SYNJ2: variants seen among roughly 807,000 people sequenced by gnomAD.
SYNJ2 encodes the protein polyphosphatidylinositol phosphatase SYNJ2.
Under a neutral mutation model 141.3 loss-of-function variants are expected in SYNJ2, and 116 were observed. That is an observed-to-expected ratio of 0.82 (90% CI 0.71 to 0.96). SYNJ2 has a LOEUF of 0.96. SYNJ2 is among the 40% of genes least tolerant of loss of function. SYNJ2 has a pLI of 0.00. For synonymous variants in SYNJ2, 745 were observed against 777.7 expected, an observed-to-expected ratio of 0.96 and a Z score of 0.70; for missense variants, 1,873 against 1,934.8, an observed-to-expected ratio of 0.97 and a Z score of 0.60.
At position 158,027,103 on chromosome 6, in the gene SYNJ2, G is replaced by A. The variant is rs757037976; in HGVS notation, c.215-1653G>A. The A allele has an allele frequency of 1.4e-5, 14 of 985,220 alleles. No individual in the cohort carries two copies. Among genetic ancestry groups the A allele is most frequent in the African/African-American group, 1.7e-5 (1 of 57,172 alleles). 61.0% of individuals were successfully genotyped at this position (985,220 alleles called of 1,614,324 possible). Reference sequence around the variant, plus strand: ...AGCCCTGAGCGCTCATTAAAGGAACGCACTTTAATGACAGCCACACGCCAC... The same window carrying A: ...AGCCCTGAGCGCTCATTAAAGGAACACACTTTAATGACAGCCACACGCCAC... On this transcript the variant is annotated intron_variant, in intron 2 of 26. Coordinates refer to ENST00000355585, the MANE Select transcript of SYNJ2 (RefSeq NM_003898.4). This position sits in a 1 kb window ranked among gnomAD's most constrained non-coding sequence, Gnocchi z 4.6.
At chr6:158,050,915 C>T (rs187755964) in intron 5 of SYNJ2, among the ~76,000 whole-genome samples, 99 of 152,062 alleles carry the variant, frequency 6.5e-4, no homozygotes, top group South Asian at 2.3e-3. Context: ...ATCCCTTTCC[C>T]ACCTTTCCAT....
intron 6 of SYNJ2, 107 bp downstream of exon 6, chr6:158,055,135 C>A: frequency 1.7e-6 from 2 of 1,178,400 alleles, no homozygotes; most frequent in Non-Finnish European, 2.4e-6. Context: ...GACCCTGAAC[C>A]CTGAATCTAA....
chr6:158,053,312 A>G (rs1188535118), intron 5 of SYNJ2, among the ~76,000 whole-genome samples: 2 of 152,210 alleles, frequency 1.3e-5, no homozygotes, highest in South Asian at 2.1e-4. Flanking sequence ...TCAGCAATCT[A>G]TGGGAGACAC....
At chr6:158,026,777 C>T in intron 2 of SYNJ2, 1 of 971,078 alleles carries the variant, frequency 1.0e-6, no homozygotes, top group Non-Finnish European at 1.2e-6. Context: ...CATCCTCCTG[C>T]CTCTCCGAGG....
intron 1 of SYNJ2, among the ~76,000 whole-genome samples, chr6:158,003,227 T>C (rs565154442): frequency 6.6e-6 from 1 of 152,306 alleles, no homozygotes; most frequent in East Asian, 1.9e-4. Flanking sequence ...GCCTGGACTT[T>C]TTGGTGAGGG....
chr6:158,081,305 T>C lies in SYNJ2; in HGVS notation c.2764T>C (p.Tyr922His), dbSNP rs1583489044. 1 of 1,614,064 alleles carries C rather than the reference T, an allele frequency of 6.2e-7. No individual in the cohort carries two copies. The highest frequency in any genetic ancestry group is 2.2e-5 in the East Asian group (1 of 44,870). ...RTELMQTLGS[Y>H]GTIVLVRINQ... ...TGAGCTCATGCAGACCTTGGGGAGT[T>C]ATGGGACAATTGTTCTTGTCAGGTA... The change falls in exon 19 of 27, where the codon TAT (tyrosine) becomes CAT (histidine). Residue 922 changes from tyrosine (Y) to histidine (H), a missense_variant. Transcript: ENST00000355585.
chr6:158,083,277 G>A (rs918102170), intron 20 of SYNJ2, 152 bp from the exon 21 acceptor site: 6 of 856,614 alleles, frequency 7.0e-6, no homozygotes, highest in South Asian at 3.6e-5. Context: ...GCTATGCTGA[G>A]CCTGCGTGAG....
In SYNJ2 at chr6:158,067,336, A is replaced by G. The variant is rs879662579; in HGVS notation, c.1717+701A>G. The G allele has an allele frequency of 1.2e-5, 9 of 771,166 alleles. No homozygotes were observed. The Admixed American group carries it at 5.0e-4, about 43-fold the overall frequency. The allele number at this position is 771,166 out of a possible 1,614,324, so 47.8% of individuals were successfully genotyped here. The stretch of plus-strand genomic sequence containing the variant: ...GCCTGGCCCTGCCTTCAGTGTTGAT[A>G]TTGACCAAGAACAGCTCATCCCTGC... On this transcript the variant is annotated intron_variant, in intron 12 of 26. Transcript: ENST00000355585.
chr6:158,077,946 T>G, intron 17 of SYNJ2: 1 of 387,570 alleles, frequency 2.6e-6, no homozygotes, highest in Non-Finnish European at 4.8e-6. Context: ...ACTGCAGGCA[T>G]GGTCATGACT....
At position 158,017,187 on chromosome 6, in the gene SYNJ2, A is replaced by T; in HGVS notation, c.128-17A>T. 6.2e-7 allele frequency: 1 copy of T among 1,612,332 alleles called. No homozygotes were observed. The highest frequency in any genetic ancestry group is 8.5e-7 in the Non-Finnish European group (1 of 1,179,252). The stretch of plus-strand genomic sequence containing the variant: ...GAGACGCTCGCTGATGCCTTCTGTG[A>T]TGTGTTTCTTCCCCAGCTCCAGAAG... On this transcript the variant is annotated splice_polypyrimidine_tract_variant and intron_variant, in intron 1 of 26. Transcript: ENST00000355585.
At chr6:158,025,924 C>T (rs931108360) in intron 2 of SYNJ2, among the ~76,000 whole-genome samples, 1 of 152,186 alleles carries the variant, frequency 6.6e-6, no homozygotes, top group African/African-American at 2.4e-5. Flanking sequence ...TGCACTCCAG[C>T]TTGGGCAACA....
intron 1 of SYNJ2, among the ~76,000 whole-genome samples, chr6:158,000,835 G>A (rs1359627239): frequency 1.3e-5 from 2 of 152,198 alleles, no homozygotes; most frequent in Non-Finnish European, 2.9e-5. Context: ...TGGTGGAGGC[G>A]GGGTAGACAC....
Position 158,066,464 on chromosome 6 carries a change from G to A in SYNJ2, c.1546G>A (p.Ala516Thr). The A allele has an allele frequency of 6.2e-7, 1 of 1,614,200 alleles. No individual in the cohort carries two copies. The highest frequency in any genetic ancestry group is 8.5e-7 in the Non-Finnish European group (1 of 1,180,046). ...ALLVTPRILK[A>T]MTERQSEFTN... ...GACAGTGACTCCCAGGATCCTGAAA[G>A]CTATGACTGAGCGTCAGTCCGAATT... Residue 516 changes from alanine to threonine, a missense_variant, in exon 12 of 27, where the codon GCT becomes ACT. Transcript: ENST00000355585.
intron 6 of SYNJ2, among the ~76,000 whole-genome samples, chr6:158,055,503 A>ATGTG (rs61172281): frequency 0.14 from 20,473 of 147,756 alleles, 1,386 homozygotes; most frequent in East Asian, 0.24. Context: ...TTGGCATTTT[A>ATGTG]TGTGTGTGTG....
intron 8 of SYNJ2, 129 bp downstream of exon 8, chr6:158,062,293 C>A (rs980119396): frequency 4.9e-6 from 7 of 1,416,274 alleles, no homozygotes; most frequent in Non-Finnish European, 6.5e-6. Flanking sequence ...AGGACATGTG[C>A]CCTATGAGGG....
At position 158,099,024 on chromosome 6, in the gene SYNJ2, G is replaced by A. The variant is rs1004927750; in HGVS notation, c.*2660G>A. ...TATAAACAAAGTAATGTATCAAAGCGTTCACTTTATAATGAAGTCATTTCA... is the reference window on the plus strand; with the variant it reads ...TATAAACAAAGTAATGTATCAAAGCATTCACTTTATAATGAAGTCATTTCA... On this transcript the variant is annotated 3_prime_UTR_variant, in exon 27 of 27. Transcript: ENST00000355585. 1.3e-5 allele frequency: 2 copies of A among 152,192 alleles called. No homozygotes were observed. Among genetic ancestry groups the A allele is most frequent in the Admixed American group, 6.5e-5 (1 of 15,282 alleles). The allele number at this position is 152,192 out of a possible 1,614,324, so 9.4% of individuals were successfully genotyped here. A position where few individuals can be genotyped will look rare whatever the true frequency, so the allele number is the denominator to read the frequency against.
intron 1 of SYNJ2, among the ~76,000 whole-genome samples, chr6:157,987,124 C>T (rs562226684): frequency 2.6e-5 from 4 of 152,074 alleles, no homozygotes; most frequent in Non-Finnish European, 5.9e-5. Flanking sequence ...GTAGCTGGGA[C>T]TATAGGCGTG....
intron 16 of SYNJ2, among the ~76,000 whole-genome samples, chr6:158,075,538 G>T (rs1041268355): frequency 6.6e-6 from 1 of 151,914 alleles, no homozygotes; most frequent in African/African-American, 2.4e-5. Context: ...CTACTCAGGA[G>T]ACTGAGGCAG....
intron 25 of SYNJ2, among the ~76,000 whole-genome samples, chr6:158,091,820 T>C (rs923250376): frequency 6.6e-6 from 1 of 151,408 alleles, no homozygotes; most frequent in African/African-American, 2.4e-5. Context: ...GAAGACATTA[T>C]ACTATGTGAA....
Sources: allele counts gnomAD v4.1 joint callset (sites outside exome capture counted in the v4.1 genomes callset), GRCh38; gene constraint gnomAD v4.1.1; non-coding constraint Gnocchi (gnomAD v3.1); transcripts MANE v1.5; gene names NCBI Gene and HGNC (gene_info 2026-07-23, HGNC 2026-07-21).